C5orf63: variants seen among roughly 807,000 people sequenced by gnomAD.
The protein encoded by C5orf63 is chromosome 5 open reading frame 63, also known as glutaredoxin-like protein C5orf63.
A neutral mutation model predicts 13.3 loss-of-function variants in C5orf63; 18 were observed. That is an observed-to-expected ratio of 1.36 (90% CI 0.94 to 2.01). C5orf63 has a LOEUF of 2.01. Ranked by LOEUF, C5orf63 falls within the 30% of genes most tolerant of loss-of-function variation. The probability of loss-of-function intolerance (pLI) is 0.00; values close to 1 mark genes in which losing one functional copy is unlikely to be tolerated. For missense variants in C5orf63, 118 were observed against 127.7 expected, an observed-to-expected ratio of 0.92 and a Z score of 0.36; for synonymous variants, 38 against 44.7, an observed-to-expected ratio of 0.85 and a Z score of 0.60.
At chr5:127,042,842 T>C (rs1007705276), downstream of C5orf63, 3 of 152,224 alleles carry the variant, frequency 2.0e-5, no homozygotes, top group African/African-American at 7.2e-5. Context: ...ATGTGTTCCA[T>C]TAAATGTTTA....
chr5:127,043,176 T>A (rs984101875), downstream of C5orf63: 1 of 152,236 alleles, frequency 6.6e-6, no homozygotes, highest in Admixed American at 6.5e-5. Flanking sequence ...AACACTGCTT[T>A]AAATGAATAG....
chr5:127,073,065 G>C (rs987848829), intron 1 of C5orf63: 1 of 152,162 alleles, frequency 6.6e-6, no homozygotes, highest in Non-Finnish European at 1.5e-5. Flanking sequence ...TCAGCTCAGC[G>C]GGCTCCCAAG....
chr5:127,061,476 T>C (rs143315201), intron 2 of C5orf63, among the ~76,000 whole-genome samples: 7 of 152,322 alleles, frequency 4.6e-5, no homozygotes, highest in Non-Finnish European at 8.8e-5. Context: ...ATGATCCTGA[T>C]AAATGCATAA....
At chr5:127,066,134 G>GA (rs754218894) in intron 2 of C5orf63, among the ~76,000 whole-genome samples, 7 of 152,148 alleles carry the variant, frequency 4.6e-5, no homozygotes, top group Non-Finnish European at 1.0e-4. Flanking sequence ...GAAAGAAACA[G>GA]AAAAGATTGT....
chr5:127,060,147 CA>C (rs1754045719), intron 2 of C5orf63, among the ~76,000 whole-genome samples: 2 of 151,742 alleles, frequency 1.3e-5, no homozygotes, highest in Non-Finnish European at 2.9e-5. Context: ...TCAAAAAAAA[CA>C]AAAACAAGAA....
chr5:127,052,635 A>G lies in C5orf63; in HGVS notation c.149T>C (p.Val50Ala). Residue 50 changes from valine to alanine, a missense_variant, in exon 4 of 5, where the codon GTA (valine) becomes GCA (alanine). By Grantham distance (64) the Val-to-Ala change is moderately conservative. Transcript: ENST00000296662. ...PCPLCDEAKE[V>A]LKPYENRFIL... ...TACCCTGTTTTCATAAGGCTTGAGTACTTCCTTGGCTTCATCACAAAGGGG... is the reference window on the plus strand; with the variant it reads ...TACCCTGTTTTCATAAGGCTTGAGTGCTTCCTTGGCTTCATCACAAAGGGG... The G allele has an allele frequency of 6.6e-7, 1 of 1,508,864 alleles. No individual in the cohort carries two copies. The highest frequency in any genetic ancestry group is 1.4e-5 in the African/African-American group (1 of 71,380). The allele number at this position is 1,508,864 out of a possible 1,614,324, so 93.5% of individuals were successfully genotyped here.
intron 2 of C5orf63, among the ~76,000 whole-genome samples, chr5:127,060,844 A>C (rs576030016): frequency 6.6e-6 from 1 of 152,186 alleles, no homozygotes; most frequent in South Asian, 2.1e-4. Context: ...CCCCACCCTC[A>C]CATCTTGCTG....
intron 2 of C5orf63, among the ~76,000 whole-genome samples, chr5:127,065,365 A>T: frequency 6.6e-6 from 1 of 152,246 alleles, no homozygotes; most frequent in African/African-American, 2.4e-5. Flanking sequence ...TTCAAATGTT[A>T]TAAGAGAATG....
intron 2 of C5orf63, among the ~76,000 whole-genome samples, chr5:127,064,813 G>C (rs1754257976): frequency 6.6e-6 from 1 of 152,304 alleles, no homozygotes; most frequent in East Asian, 1.9e-4. Context: ...CTCGATGGGT[G>C]CTACATTAAT....
intron 2 of C5orf63, among the ~76,000 whole-genome samples, chr5:127,070,873 G>A (rs1754513074): frequency 6.6e-6 from 1 of 152,176 alleles, no homozygotes; most frequent in South Asian, 2.1e-4. Context: ...CTCCTTGGAA[G>A]GCAGTTTGAG....
intron 3 of C5orf63, among the ~76,000 whole-genome samples, chr5:127,052,934 T>C (rs1247855675): frequency 3.3e-5 from 5 of 152,212 alleles, no homozygotes; most frequent in Non-Finnish European, 7.3e-5. Flanking sequence ...TCTATGTGTA[T>C]ATATAATACA....
At position 127,051,535 on chromosome 5, in the gene C5orf63, A is replaced by G; in HGVS notation, c.*236T>C. 11 of 1,238,892 alleles carry G rather than the reference A, an allele frequency of 8.9e-6. No individual in the cohort carries two copies. The highest frequency in any genetic ancestry group is 1.1e-5 in the Non-Finnish European group (11 of 992,004). 76.7% of individuals were successfully genotyped at this position (1,238,892 alleles called of 1,614,324 possible). On this transcript the variant is annotated 3_prime_UTR_variant, in exon 5 of 5. Coordinates refer to ENST00000296662, the MANE Select transcript of C5orf63 (RefSeq NM_001164478.2). ...GACAAATGGACTTCTCCCTCCCTCC[A>G]TCATCTCCCTCCCTGCTAATATGCT...
At chr5:127,071,234 A>G (rs1447810243) in intron 2 of C5orf63, among the ~76,000 whole-genome samples, 2 of 152,234 alleles carry the variant, frequency 1.3e-5, no homozygotes, top group African/African-American at 4.8e-5. Context: ...GAAGGCTACA[A>G]CAGTAAAAAG....
chr5:127,068,234 C>T (rs376002719), intron 2 of C5orf63, among the ~76,000 whole-genome samples: 1 of 152,126 alleles, frequency 6.6e-6, no homozygotes, highest in Non-Finnish European at 1.5e-5. Context: ...AAACAAATGC[C>T]ATGGGAATAG....
chr5:127,051,538 A>C lies in C5orf63; in HGVS notation c.*233T>G. 8.1e-7 allele frequency: 1 copy of C among 1,239,090 alleles called. No individual in the cohort carries two copies. The highest frequency in any genetic ancestry group is 3.1e-5 in the East Asian group (1 of 31,976). The allele number at this position is 1,239,090 out of a possible 1,614,324, so 76.8% of individuals were successfully genotyped here. A position where few individuals can be genotyped will look rare whatever the true frequency, so the allele number is the denominator to read the frequency against. ...AAATGGACTTCTCCCTCCCTCCATC[A>C]TCTCCCTCCCTGCTAATATGCTCTT... On this transcript the variant is annotated 3_prime_UTR_variant, in exon 5 of 5. Coordinates refer to ENST00000296662, the MANE Select transcript of C5orf63 (RefSeq NM_001164478.2).
At chr5:127,064,200 C>T (rs368215436) in intron 2 of C5orf63, among the ~76,000 whole-genome samples, 6 of 152,056 alleles carry the variant, frequency 3.9e-5, no homozygotes, top group African/African-American at 1.4e-4. Context: ...AGGGACAAAA[C>T]CAAAACTGAA....
chr5:127,066,054 G>A (rs1754317833), intron 2 of C5orf63, among the ~76,000 whole-genome samples: 1 of 152,124 alleles, frequency 6.6e-6, no homozygotes, highest in South Asian at 2.1e-4. Flanking sequence ...TATTCTCTGA[G>A]CAGGTGTTGT....
intron 2 of C5orf63, among the ~76,000 whole-genome samples, chr5:127,068,791 T>C (rs1198125069): frequency 2.6e-5 from 4 of 152,168 alleles, no homozygotes; most frequent in Non-Finnish European, 4.4e-5. Context: ...CACATGACAA[T>C]GTCAGGGAAG....
At chr5:127,062,696 T>C (rs1426247726) in intron 2 of C5orf63, among the ~76,000 whole-genome samples, 6 of 152,190 alleles carry the variant, frequency 3.9e-5, no homozygotes, top group Non-Finnish European at 4.4e-5. Flanking sequence ...AATCATGCCT[T>C]CTTGAAGTAA....
Sources: allele counts gnomAD v4.1 joint callset (sites outside exome capture counted in the v4.1 genomes callset), GRCh38; gene constraint gnomAD v4.1.1; transcripts MANE v1.5; gene names NCBI Gene and HGNC (gene_info 2026-07-23, HGNC 2026-07-21).